CSMD1: variants seen among roughly 807,000 people sequenced by gnomAD.
CSMD1 encodes CUB and Sushi multiple domains 1.
CSMD1 carries 213 observed loss-of-function variants against 417.5 expected under a neutral mutation model. That is an observed-to-expected ratio of 0.51 (90% CI 0.46 to 0.57). The LOEUF is 0.57. Among genes scored for constraint, CSMD1 ranks in the 20% least tolerant of loss-of-function variants. The pLI is 0.00. For synonymous variants in CSMD1, 2,862 were observed against 1,736.8 expected, an observed-to-expected ratio of 1.65 and a Z score of -16.11; for missense variants, 6,923 against 4,529.7, an observed-to-expected ratio of 1.53 and a Z score of -15.17.
chr8:3,986,292 C>G (rs1379337493), intron 5 of CSMD1, among the ~76,000 whole-genome samples: 1 of 152,120 alleles, frequency 6.6e-6, no homozygotes, highest in Non-Finnish European at 1.5e-5. Context: ...CAATCCTTCC[C>G]TATGTTTCTA....
intron 8 of CSMD1, among the ~76,000 whole-genome samples, chr8:3,588,994 A>G (rs1394700939): frequency 1.3e-5 from 2 of 152,138 alleles, no homozygotes; most frequent in African/African-American, 4.8e-5. Context: ...CGTGTCACTA[A>G]TCATCAGGGA....
chr8:4,593,512 T>C (rs1800095328), intron 2 of CSMD1, among the ~76,000 whole-genome samples: 1 of 152,178 alleles, frequency 6.6e-6, no homozygotes, highest in Admixed American at 6.5e-5. Context: ...GGATTATTTT[T>C]CAATTATAAA....
chr8:3,498,913 T>C (rs182458205), intron 10 of CSMD1, among the ~76,000 whole-genome samples: 2 of 152,198 alleles, frequency 1.3e-5, no homozygotes, highest in East Asian at 3.9e-4. Flanking sequence ...ACTTTTTGAA[T>C]TGTCTATTTT....
intron 10 of CSMD1, among the ~76,000 whole-genome samples, chr8:3,561,793 A>C (rs893867372): frequency 6.7e-6 from 1 of 149,166 alleles, no homozygotes; most frequent in East Asian, 1.9e-4. Flanking sequence ...AATTAAAAAC[A>C]GAAAAAGAAA....
chr8:4,191,456 T>C (rs771520407), intron 3 of CSMD1, among the ~76,000 whole-genome samples: 9 of 151,914 alleles, frequency 5.9e-5, no homozygotes, highest in South Asian at 2.1e-4. Context: ...CTAAAAAAAA[T>C]TGAACAAGAT....
At chr8:4,151,683 A>C (rs1369575399) in intron 3 of CSMD1, among the ~76,000 whole-genome samples, 1 of 152,210 alleles carries the variant, frequency 6.6e-6, no homozygotes, top group South Asian at 2.1e-4. Flanking sequence ...AGGTGAAAAA[A>C]ATCCAACTGA....
At chr8:3,443,189 A>T (rs767565799) in intron 12 of CSMD1, among the ~76,000 whole-genome samples, 1 of 152,186 alleles carries the variant, frequency 6.6e-6, no homozygotes, top group Non-Finnish European at 1.5e-5. Context: ...ATGTGAGAGG[A>T]TACACGCACA....
At chr8:4,206,798 G>A (rs550657349) in intron 3 of CSMD1, among the ~76,000 whole-genome samples, 2 of 152,118 alleles carry the variant, frequency 1.3e-5, no homozygotes, top group Non-Finnish European at 2.9e-5. Flanking sequence ...ATTATATAAA[G>A]ATTGTTCTAA....
intron 3 of CSMD1, among the ~76,000 whole-genome samples, chr8:4,241,161 A>C (rs1332362692): frequency 6.6e-6 from 1 of 151,996 alleles, no homozygotes. Context: ...TTGTCTTCTT[A>C]AACAAATGAA....
At chr8:3,948,045 A>C (rs1811355756) in intron 5 of CSMD1, among the ~76,000 whole-genome samples, 1 of 152,160 alleles carries the variant, frequency 6.6e-6, no homozygotes, top group Admixed American at 6.5e-5. Context: ...GTCTCTACTA[A>C]AAATATAAAA....
At chr8:4,088,845 T>A (rs17404093) in intron 3 of CSMD1, among the ~76,000 whole-genome samples, 48,034 of 151,830 alleles carry the variant, frequency 0.32, 8,076 homozygotes, top group Middle Eastern at 0.4. Context: ...GAATCACTAG[T>A]CTCCTGGTTT....
chr8:4,787,301 C>T, intron 1 of CSMD1: 3 of 693,886 alleles, frequency 4.3e-6, no homozygotes, highest in Middle Eastern at 2.9e-4. Context: ...CACTTACCGG[C>T]GCGGTCGCAG....
At chr8:4,624,762 C>A (rs1801999580) in intron 2 of CSMD1, among the ~76,000 whole-genome samples, 1 of 152,140 alleles carries the variant, frequency 6.6e-6, no homozygotes, top group African/African-American at 2.4e-5. Context: ...CTGCCTGACT[C>A]CTGAGGGTAT....
chr8:3,402,700 C>A (rs1044740189), intron 15 of CSMD1, among the ~76,000 whole-genome samples: 2 of 152,068 alleles, frequency 1.3e-5, no homozygotes, highest in African/African-American at 4.8e-5. Context: ...ATATCTATAA[C>A]ATTTTTCTTT....
chr8:3,205,776 T>C (rs1002196827), intron 30 of CSMD1, among the ~76,000 whole-genome samples, 156 bp from the exon 31 acceptor site: 5 of 152,104 alleles, frequency 3.3e-5, no homozygotes. Context: ...ATCAAAGTCA[T>C]AGAAAGACAA....
intron 3 of CSMD1, among the ~76,000 whole-genome samples, chr8:4,213,354 G>GCA (rs1800440063): frequency 1.3e-5 from 2 of 152,102 alleles, no homozygotes; most frequent in African/African-American, 4.8e-5. Context: ...CAAGGGCCGT[G>GCA]CACAAAAAAA....
rs553350204 is a variant in CSMD1, at chr8:4,923,295, G to A, written c.85+71037C>T. ...ACTCACTCATGCCTCATCCTCAAAG[G>A]CAATGTGAGTTGATGCTTTCGTATT... On this transcript the variant is annotated intron_variant, in intron 1 of 69. Coordinates refer to ENST00000635120, the MANE Select transcript of CSMD1 (RefSeq NM_033225.6). Among the ~76,000 whole-genome samples the A allele has an allele frequency of 2.0e-5, 3 of 152,098 alleles. No homozygotes were observed. In the South Asian group the frequency reaches 6.2e-4, roughly 32 times the overall value.
intron 49 of CSMD1, among the ~76,000 whole-genome samples, chr8:3,065,706 T>C (rs748851125): frequency 5.3e-5 from 8 of 152,130 alleles, no homozygotes; most frequent in East Asian, 1.9e-4. Flanking sequence ...GAAAGAAAGA[T>C]GATAGATAGG....
intron 55 of CSMD1, among the ~76,000 whole-genome samples, chr8:2,976,472 A>G (rs1007328172): frequency 1.3e-5 from 2 of 152,036 alleles, no homozygotes; most frequent in Non-Finnish European, 2.9e-5. Flanking sequence ...CAGCCTCCCA[A>G]TGTGCTGGGA....
Sources: allele counts gnomAD v4.1 joint callset (sites outside exome capture counted in the v4.1 genomes callset), GRCh38; gene constraint gnomAD v4.1.1; transcripts MANE v1.5; gene names NCBI Gene and HGNC (gene_info 2026-07-23, HGNC 2026-07-21).